Variants in TRAF7 observed in about 807,000 individuals in gnomAD.
TRAF7 encodes TNF receptor associated factor 7, also known as E3 ubiquitin-protein ligase TRAF7.
In TRAF7, 45 loss-of-function variants were observed where a neutral mutation model predicts 89.3. That is an observed-to-expected ratio of 0.50 (90% CI 0.40 to 0.65). TRAF7 has a LOEUF of 0.65. Ranked by LOEUF, TRAF7 falls within the 30% of genes least tolerant of loss-of-function variation. The pLI is 0.00. For missense variants in TRAF7, 677 were observed against 918.1 expected, an observed-to-expected ratio of 0.74 and a Z score of 3.39; for synonymous variants, 406 against 369.2, an observed-to-expected ratio of 1.10 and a Z score of -1.14.
At chr16:2,175,084 C>G (rs562219217) in intron 14 of TRAF7, 27 bp from the exon 15 acceptor site, 2 of 1,613,792 alleles carry the variant, frequency 1.2e-6, no homozygotes, top group East Asian at 2.2e-5. Context: ...CTTCTCCCAC[C>G]TTGACACATT....
Position 2,177,505 on chromosome 16 carries a change from G to A in TRAF7, c.*931G>A, listed in dbSNP as rs2093143394. On this transcript the variant is annotated 3_prime_UTR_variant, in exon 21 of 21. Coordinates refer to ENST00000326181, the MANE Select transcript of TRAF7 (RefSeq NM_032271.3). ...TAGAGGAGACCAGTCAGTACTTCTT[G>A]GAGGGGGCAGGAGGAGAGAGGAAAA... 1.7e-5 allele frequency: 4 copies of A among 233,588 alleles called. No homozygotes were observed. Among genetic ancestry groups the A allele is most frequent in the Admixed American group, 1.7e-4 (3 of 17,872 alleles). 14.5% of individuals were successfully genotyped at this position (233,588 alleles called of 1,614,324 possible). A position where few individuals can be genotyped will look rare whatever the true frequency, so the allele number is the denominator to read the frequency against.
Position 2,158,995 on chromosome 16 carries a change from C to T in TRAF7, c.-39+3137C>T, listed in dbSNP as rs565372906. Among the ~76,000 whole-genome samples, 1 of 152,244 alleles carries T rather than the reference C, an allele frequency of 6.6e-6. No individual in the cohort carries two copies. The highest frequency in any genetic ancestry group is 6.5e-5 in the Admixed American group (1 of 15,298). ...GGACTTCCCCTCGACTGGGCCAGGT[C>T]CCCACACAATAGACAGCCATGAGAT... is the stretch of plus-strand genomic sequence containing the variant. On this transcript the variant is annotated intron_variant, in intron 1 of 20. Transcript: ENST00000326181. The surrounding 1 kb of genome is among the most constrained non-coding windows in gnomAD (Gnocchi z 4.7).
chr16:2,176,188 C>G lies in TRAF7; in HGVS notation c.1878+8C>G. 1 of 1,603,962 alleles carries G rather than the reference C, an allele frequency of 6.2e-7. No homozygotes were observed. The highest frequency in any genetic ancestry group is 8.5e-7 in the Non-Finnish European group (1 of 1,178,688). ...TACGACCGGTCCCTCAGGGTGCGTG[C>G]TGGCCCAGCGGTGGCAGGAGGCTCA... On this transcript the variant is annotated splice_region_variant and intron_variant, in intron 19 of 20. Coordinates refer to ENST00000326181, the MANE Select transcript of TRAF7 (RefSeq NM_032271.3).
chr16:2,174,968 G>A (rs1197991139), intron 14 of TRAF7, 143 bp from the exon 15 acceptor site: 2 of 1,015,708 alleles, frequency 2.0e-6, no homozygotes, highest in Non-Finnish European at 3.0e-6. Flanking sequence ...AAAATAGGCT[G>A]ACGCTTAAGG....
intron 12 of TRAF7, 21 bp downstream of exon 12, chr16:2,173,857 G>GCGGGGCGCGCCCCCCC: frequency 1.2e-6 from 2 of 1,607,508 alleles, no homozygotes; most frequent in Non-Finnish European, 1.7e-6. Flanking sequence ...ACCCGCCGTG[G>GCGGGGCGCGCCCCCCC]CTCCCGCCCA....
intron 1 of TRAF7, among the ~76,000 whole-genome samples, chr16:2,160,638 C>G: frequency 6.6e-6 from 1 of 151,704 alleles, no homozygotes; most frequent in Non-Finnish European, 1.5e-5. Flanking sequence ...TGGGGAAAGC[C>G]CTTTCTCAGC....
intron 3 of TRAF7, among the ~76,000 whole-genome samples, chr16:2,167,871 GC>G (rs1196446742): frequency 3.3e-5 from 5 of 152,102 alleles, no homozygotes; most frequent in African/African-American, 1.2e-4. Flanking sequence ...ACCGAGCCCA[GC>G]GTCCATGCTC....
rs1412763434 is a variant in TRAF7 at position 2,178,027 on chromosome 16, A to AC, written c.*1453_*1454insC. 3.7e-5 allele frequency: 16 copies of AC among 436,726 alleles called. No homozygotes were observed. The highest frequency in any genetic ancestry group is 6.5e-5 in the Non-Finnish European group (15 of 232,338). 27.1% of individuals were successfully genotyped at this position (436,726 alleles called of 1,614,324 possible). On this transcript the variant is annotated 3_prime_UTR_variant, in exon 21 of 21. Transcript: ENST00000326181. ...AATGGTTTTCTATAGAATCAATAATATTTCTTTCTTTAAATATATATTTGT... is the reference window on the plus strand; with the variant it reads ...AATGGTTTTCTATAGAATCAATAATACTTTCTTTCTTTAAATATATATTTGT...
In TRAF7 at chr16:2,163,600, C is replaced by T. The variant is rs1596669510; in HGVS notation, c.-38-283C>T. 3 of 394,020 alleles carry T rather than the reference C, an allele frequency of 7.6e-6. No individual in the cohort carries two copies. The East Asian group carries it at 1.7e-4, about 22-fold the overall frequency. 24.4% of individuals were successfully genotyped at this position (394,020 alleles called of 1,614,324 possible). A position where few individuals can be genotyped will look rare whatever the true frequency, so the allele number is the denominator to read the frequency against. The stretch of plus-strand genomic sequence containing the variant: ...AGAGGGAGCCAGGCAGGGGTCCCTC[C>T]ACCTCGGGGAAGAGCTGGATGGGCT... On this transcript the variant is annotated intron_variant, in intron 1 of 20. Coordinates refer to ENST00000326181, the MANE Select transcript of TRAF7 (RefSeq NM_032271.3). The surrounding 1 kb of genome is among the most constrained non-coding windows in gnomAD (Gnocchi z 4.3).
Position 2,171,353 on chromosome 16 carries a change from TG to T in TRAF7, c.441+1del. 6.4e-7 allele frequency: 1 copy of T among 1,551,136 alleles called. No homozygotes were observed. The highest frequency in any genetic ancestry group is 8.7e-7 in the Non-Finnish European group (1 of 1,147,002). On this transcript the variant is annotated frameshift_variant and splice_region_variant, in exon 6 of 21. Transcript: ENST00000326181. LOFTEE classifies it high-confidence loss of function. ...VFKDPVITTC[G>X]HTFCRRCALK... ...TCAAAGACCCCGTGATCACCACGTGTGGGGTGAGCCCGCCGCCCTTCCCAGC... is the reference window on the plus strand; with the variant it reads ...TCAAAGACCCCGTGATCACCACGTGTGGGTGAGCCCGCCGCCCTTCCCAGC...
In TRAF7 at chr16:2,159,213, G is replaced by A. The variant is rs960310408; in HGVS notation, c.-39+3355G>A. 6.6e-6 allele frequency among the ~76,000 whole-genome samples: 1 copy of A among 152,188 alleles called. No homozygotes were observed. The highest frequency in any genetic ancestry group is 1.5e-5 in the Non-Finnish European group (1 of 68,022). On this transcript the variant is annotated intron_variant, in intron 1 of 20. Transcript: ENST00000326181. The surrounding 1 kb of genome is among the most constrained non-coding windows in gnomAD (Gnocchi z 6.5). ...CAGGCCTGGAGGCTGAGTGGATGCAGTAGGAGCAGAGCTGGGGGAGGAGTT... is the reference window on the plus strand; with the variant it reads ...CAGGCCTGGAGGCTGAGTGGATGCAATAGGAGCAGAGCTGGGGGAGGAGTT...
chr16:2,157,145 C>T (rs1380877652), intron 1 of TRAF7, among the ~76,000 whole-genome samples: 3 of 151,464 alleles, frequency 2.0e-5, no homozygotes, highest in South Asian at 2.1e-4. Flanking sequence ...TGAGGAGCCT[C>T]CCTCTTCCTC....
chr16:2,170,267 G>A (rs1243210575), intron 4 of TRAF7, among the ~76,000 whole-genome samples: 1 of 152,220 alleles, frequency 6.6e-6, no homozygotes, highest in Non-Finnish European at 1.5e-5. Context: ...ATTGGCTGGT[G>A]GAGGTGCCCC....
intron 2 of TRAF7, among the ~76,000 whole-genome samples, chr16:2,164,321 G>A (rs893457020): frequency 3.4e-5 from 5 of 146,144 alleles, no homozygotes; most frequent in African/African-American, 1.3e-4. Flanking sequence ...TGGTCGCATG[G>A]TAAAGCGTGT....
chr16:2,164,099 C>T, intron 2 of TRAF7, 98 bp downstream of exon 2: 1 of 1,185,864 alleles, frequency 8.4e-7, no homozygotes, highest in Non-Finnish European at 1.2e-6. Context: ...CAGTCCCGTC[C>T]CGAGCTGGGG....
At position 2,173,911 on chromosome 16, in the gene TRAF7, A is replaced by G. The variant is rs1367305438; in HGVS notation, c.1136-10A>G. ...AACTGGGCCTTCACCCACTGCTCCC[A>G]TCTCTGCAGCCTACGACCCTCAGCA... is the stretch of plus-strand genomic sequence containing the variant. On this transcript the variant is annotated splice_polypyrimidine_tract_variant and intron_variant, in intron 12 of 20. Coordinates refer to ENST00000326181, the MANE Select transcript of TRAF7 (RefSeq NM_032271.3). 2.5e-6 allele frequency: 3 copies of G among 1,192,906 alleles called. No homozygotes were observed. In the Admixed American group the frequency reaches 8.3e-5, roughly 33 times the overall value. 73.9% of individuals were successfully genotyped at this position (1,192,906 alleles called of 1,614,324 possible).
chr16:2,173,706 C>T, intron 11 of TRAF7, 82 bp from the exon 12 acceptor site: 1 of 1,591,842 alleles, frequency 6.3e-7, no homozygotes, highest in South Asian at 1.1e-5. Context: ...ACCCCTGGCC[C>T]AGGGCAGCAG....
rs2093047837 is a variant in TRAF7 at position 2,159,199 on chromosome 16, G to A, written c.-39+3341G>A. Among the ~76,000 whole-genome samples, 1 of 152,186 alleles carries A rather than the reference G, an allele frequency of 6.6e-6. No individual in the cohort carries two copies. The highest frequency in any genetic ancestry group is 1.5e-5 in the Non-Finnish European group (1 of 68,034). On this transcript the variant is annotated intron_variant, in intron 1 of 20. Transcript: ENST00000326181. The surrounding 1 kb of genome is among the most constrained non-coding windows in gnomAD (Gnocchi z 6.5). ...TGGCCAGGGCAAGACAGGCCTGGAG[G>A]CTGAGTGGATGCAGTAGGAGCAGAG...
chr16:2,169,796 C>G lies in TRAF7; in HGVS notation c.232-818C>G, dbSNP rs144946281. ...GGAGGTGGGTACATGGCACACAATG[C>G]CCCCCGCCGGCCTTGGGACTGGTTT... On this transcript the variant is annotated intron_variant, in intron 4 of 20. Coordinates refer to ENST00000326181, the MANE Select transcript of TRAF7 (RefSeq NM_032271.3). 7.2e-5 allele frequency among the ~76,000 whole-genome samples: 11 copies of G among 152,318 alleles called. No individual in the cohort carries two copies. In the East Asian group the frequency reaches 1.9e-3, roughly 27 times the overall value.
Sources: allele counts gnomAD v4.1 joint callset (sites outside exome capture counted in the v4.1 genomes callset), GRCh38; gene constraint gnomAD v4.1.1; non-coding constraint Gnocchi (gnomAD v3.1); transcripts MANE v1.5; gene names NCBI Gene and HGNC (gene_info 2026-07-23, HGNC 2026-07-21).